PTPRN2: variants seen among roughly 807,000 people sequenced by gnomAD.
PTPRN2 encodes receptor-type tyrosine-protein phosphatase N2.
A neutral mutation model predicts 118.8 loss-of-function variants in PTPRN2; 74 were observed. That is an observed-to-expected ratio of 0.62 (90% confidence interval 0.52 to 0.76). The LOEUF is 0.76. PTPRN2 is among the 30% of genes least tolerant of loss of function. The pLI, the probability that PTPRN2 is intolerant of heterozygous loss-of-function variation, is 0.00. For missense variants in PTPRN2, 1,481 were observed against 1,394.4 expected (o/e 1.06, Z -0.99); for synonymous variants, 641 against 608.0 (o/e 1.05, Z -0.80).
rs907768524 is a variant in PTPRN2 at position 157,587,321 on chromosome 7, A to G, written c.2496+7917T>C. On this transcript the variant is annotated intron_variant, in intron 17 of 22. Transcript: ENST00000389418. This position sits in a 1 kb window ranked among gnomAD's most constrained non-coding sequence, Gnocchi z 5.3. ...GGTGCCGGGTGGTGGGCGGCCCTGCACGGTGACAGTCAGCTGTCAACTGTC... is the reference window on the plus strand; with the variant it reads ...GGTGCCGGGTGGTGGGCGGCCCTGCGCGGTGACAGTCAGCTGTCAACTGTC... Among the ~76,000 whole-genome samples the G allele has an allele frequency of 3.3e-4, 50 of 152,226 alleles. No individual in the cohort carries two copies. In the East Asian group the frequency reaches 9.5e-3, roughly 29 times the overall value.
intron 5 of PTPRN2, among the ~76,000 whole-genome samples, chr7:158,179,464 C>A (rs1824506894): frequency 6.6e-6 from 1 of 151,916 alleles, no homozygotes; most frequent in Non-Finnish European, 1.5e-5. Flanking sequence ...CTGATAATTT[C>A]TTTTGCTATA....
At chr7:158,425,802 G>A (rs1344609570) in intron 2 of PTPRN2, among the ~76,000 whole-genome samples, 22 of 110,900 alleles carry the variant, frequency 2.0e-4, no homozygotes, top group African/African-American at 7.7e-4. Flanking sequence ...GCGCACCGCC[G>A]GGAAAGACGC....
At chr7:158,251,119 G>A (rs756582364) in intron 3 of PTPRN2, among the ~76,000 whole-genome samples, 8 of 152,076 alleles carry the variant, frequency 5.3e-5, no homozygotes, top group African/African-American at 1.4e-4. Flanking sequence ...CGCACAAAGC[G>A]TACTGTTACT....
chr7:157,667,150 C>T (rs1352873760), intron 13 of PTPRN2, among the ~76,000 whole-genome samples: 3 of 100,414 alleles, frequency 3.0e-5, no homozygotes, highest in Admixed American at 2.1e-4. Flanking sequence ...CTGGCTTGCA[C>T]GCTCAGCCTG....
chr7:158,180,356 C>T (rs1400517829), intron 5 of PTPRN2, among the ~76,000 whole-genome samples: 1 of 152,194 alleles, frequency 6.6e-6, no homozygotes, highest in Non-Finnish European at 1.5e-5. Flanking sequence ...CTACCAGTAC[C>T]ATGCTGTTTT....
At chr7:158,276,265 C>G (rs1282637520) in intron 3 of PTPRN2, among the ~76,000 whole-genome samples, 2 of 46,190 alleles carry the variant, frequency 4.3e-5, no homozygotes, top group African/African-American at 1.1e-4. Context: ...CCCCCACACT[C>G]TGGCCCCAAC....
chr7:158,523,416 A>AGTCTGCCCTGAAGCGGAGTC (rs1563392358), intron 1 of PTPRN2, among the ~76,000 whole-genome samples: 15 of 130,114 alleles, frequency 1.2e-4, no homozygotes, highest in African/African-American at 3.9e-4. Context: ...CCTGGAGCGG[A>AGTCTGCCCTGAAGCGGAGTC]GTCTGCCCTG....
rs1053632132 is a variant in PTPRN2 at position 157,576,747 on chromosome 7, C to T, written c.2649G>A (p.Glu883=). 1.2e-6 allele frequency: 2 copies of T among 1,608,574 alleles called. No homozygotes were observed. The highest frequency in any genetic ancestry group is 8.5e-7 in the Non-Finnish European group (1 of 1,177,290). Residue 883 remains glutamate, a synonymous_variant, in exon 19 of 23, where the codon GAG becomes GAA. Coordinates refer to ENST00000389418, the MANE Select transcript of PTPRN2 (RefSeq NM_002847.5). ...VNLVSEHIWC[E]DFLVRSFYLK... ...GATAGAAGCTCCTCACCAGGAAGTC[C>T]TCACACCAGATGTGCTCGGAGACCA...
At chr7:157,828,377 C>T (rs4716504) in intron 12 of PTPRN2, among the ~76,000 whole-genome samples, 9,416 of 152,188 alleles carry the variant, frequency 0.062, 453 homozygotes, top group East Asian at 0.21. Context: ...GACGGAACAG[C>T]GATCGGATAC....
rs149478947 is a variant in PTPRN2 at position 158,364,834 on chromosome 7, G to A, written c.164-47902C>T. Among the ~76,000 whole-genome samples the A allele has an allele frequency of 2.0e-3, 310 of 152,264 alleles. 2 individuals are homozygous for A. The highest frequency in any genetic ancestry group is 7.2e-3 in the African/African-American group (298 of 41,558). ...CACACCCTGCCAAGGACTGTGGCCTGGAAAGTCATAGGCACTTGACTTCTA... is the reference window on the plus strand; with the variant it reads ...CACACCCTGCCAAGGACTGTGGCCTAGAAAGTCATAGGCACTTGACTTCTA... On this transcript the variant is annotated intron_variant, in intron 2 of 22. Coordinates refer to ENST00000389418, the MANE Select transcript of PTPRN2 (RefSeq NM_002847.5).
intron 5 of PTPRN2, among the ~76,000 whole-genome samples, chr7:158,178,773 AT>A (rs574119243): frequency 1.7e-4 from 25 of 151,208 alleles, no homozygotes; most frequent in Admixed American, 1.4e-3. Context: ...AATTTTTTGT[AT>A]TTTTAGTAGA....
intron 12 of PTPRN2, among the ~76,000 whole-genome samples, chr7:157,752,009 C>G (rs1354486043): frequency 2.0e-5 from 3 of 152,182 alleles, no homozygotes; most frequent in Admixed American, 6.5e-5. Flanking sequence ...ATTCCGATTT[C>G]TTGACCCCTG....
chr7:158,080,872 C>T (rs775823984), intron 11 of PTPRN2, among the ~76,000 whole-genome samples: 1 of 152,168 alleles, frequency 6.6e-6, no homozygotes, highest in African/African-American at 2.4e-5. Context: ...GGAGCAGGGC[C>T]GGTGTGTGCT....
chr7:158,460,155 T>A (rs1233723286), intron 2 of PTPRN2, among the ~76,000 whole-genome samples: 1 of 91,356 alleles, frequency 1.1e-5, no homozygotes, highest in Non-Finnish European at 2.3e-5. Flanking sequence ...ATCTACATGC[T>A]CCTCCTAGAG....
intron 22 of PTPRN2, among the ~76,000 whole-genome samples, chr7:157,544,264 A>C (rs942779941): frequency 6.6e-6 from 1 of 152,140 alleles, no homozygotes; most frequent in Non-Finnish European, 1.5e-5. Context: ...CCTGGAGCTG[A>C]TGTGTGAGCG....
At position 157,785,146 on chromosome 7, in the gene PTPRN2, G is replaced by A. The variant is rs1030801996; in HGVS notation, c.1789-102209C>T. Among the ~76,000 whole-genome samples the A allele has an allele frequency of 1.3e-5, 2 of 152,112 alleles. No individual in the cohort carries two copies. On this transcript the variant is annotated intron_variant, in intron 12 of 22. Coordinates refer to ENST00000389418, the MANE Select transcript of PTPRN2 (RefSeq NM_002847.5). This position sits in a 1 kb window ranked among gnomAD's most constrained non-coding sequence, Gnocchi z 7.3. ...GCGGCGAGAAGGCTGACCGAACACC[G>A]AGAAGCAGCCAGCACAGGCTCTCCA...
chr7:157,569,217 C>T (rs1799641619), intron 20 of PTPRN2, among the ~76,000 whole-genome samples: 1 of 152,266 alleles, frequency 6.6e-6, no homozygotes, highest in Non-Finnish European at 1.5e-5. Flanking sequence ...AGATGTGACT[C>T]CCTCTTGCTT....
intron 12 of PTPRN2, among the ~76,000 whole-genome samples, chr7:157,766,250 TCCTC>T (rs1270808146): frequency 1.5e-4 from 21 of 139,668 alleles, no homozygotes; most frequent in African/African-American, 5.8e-4. Context: ...CATCCATCCT[TCCTC>T]CATCCATCCA....
rs1035146274 is a variant in PTPRN2 at position 157,810,045 on chromosome 7, G to A, written c.1788+88628C>T. ...AAGCCGGGGCCACCGTCCAACTCAC[G>A]AGGGCTCGGCAGAGAGGACAGGGGA... On this transcript the variant is annotated intron_variant, in intron 12 of 22. Coordinates refer to ENST00000389418, the MANE Select transcript of PTPRN2 (RefSeq NM_002847.5). 1.6e-4 allele frequency among the ~76,000 whole-genome samples: 24 copies of A among 152,332 alleles called. 1 individual carries two copies. Among genetic ancestry groups the A allele is most frequent in the South Asian group, 1.0e-3 (5 of 4,826 alleles).
Sources: gnomAD v4.1 joint callset for allele counts (sites outside exome capture counted in the v4.1 genomes callset) on GRCh38, gnomAD v4.1.1 for gene constraint, Gnocchi (gnomAD v3.1) non-coding constraint, MANE v1.5 for transcripts, NCBI Gene and HGNC (gene_info 2026-07-23, HGNC 2026-07-21) for gene names.